The following DNAH5 variants were observed in gnomAD, a reference collection of about 807,000 sequenced individuals.
The protein encoded by DNAH5 is dynein axonemal heavy chain 5, also known as axonemal beta dynein heavy chain 5.
In DNAH5, 372 loss-of-function variants were observed where a neutral mutation model predicts 518.2. The observed-to-expected ratio is 0.72, with a 90% CI of 0.66 to 0.78. The LOEUF is 0.78. DNAH5 is among the 30% of genes least tolerant of loss of function. DNAH5 has a pLI of 0.00. For synonymous variants in DNAH5, 2,039 were observed against 2,025.9 expected, an observed-to-expected ratio of 1.01 and a Z score of -0.17; for missense variants, 5,523 against 5,687.0, an observed-to-expected ratio of 0.97 and a Z score of 0.93.
intron 1 of DNAH5, among the ~76,000 whole-genome samples, chr5:13,936,489 T>TA (rs1281518318): frequency 6.6e-6 from 1 of 152,034 alleles, no homozygotes; most frequent in Non-Finnish European, 1.5e-5. Context: ...AAACTGTGTA[T>TA]AAACTACATA....
rs779963906 is a variant in DNAH5, at chr5:13,751,187, G to T, written c.11102C>A (p.Pro3701Gln). ...GGCACTTATCTCAGGGGTGTAGGCT[G>T]GGTTAGGCAATTTGGTGGTAATGTA... Reference protein sequence around the residue: ...RLYITTKLPNPAYTPEISART... With the variant: ...RLYITTKLPNQAYTPEISART... The change falls in exon 65 of 79, where the codon CCA (proline) becomes CAA (glutamine). Residue 3701 changes from proline to glutamine, a missense_variant. This residue lies in a region of DNAH5 where 5,121 missense variants were observed against 5,223.3 expected (regional missense o/e 0.98). Coordinates refer to ENST00000265104, the MANE Select transcript of DNAH5 (RefSeq NM_001369.3). The T allele has an allele frequency of 1.9e-6, 3 of 1,613,870 alleles. No homozygotes were observed. Among genetic ancestry groups the T allele is most frequent in the Non-Finnish European group, 2.5e-6 (3 of 1,179,906 alleles).
At chr5:13,699,070 G>A (rs2126391262) in intron 78 of DNAH5, among the ~76,000 whole-genome samples, 2 of 152,254 alleles carry the variant, frequency 1.3e-5, no homozygotes, top group East Asian at 3.9e-4. Context: ...CCCAGCACTA[G>A]GGCAGTGTTT....
At chr5:13,986,687 C>T (rs1407388340) in intron 1 of DNAH5, among the ~76,000 whole-genome samples, 2 of 152,204 alleles carry the variant, frequency 1.3e-5, no homozygotes, top group Non-Finnish European at 2.9e-5. Flanking sequence ...ACTACCCACG[C>T]TGTAATTCCC....
At chr5:13,719,991 A>G (rs1437371287) in intron 71 of DNAH5, among the ~76,000 whole-genome samples, 1 of 152,172 alleles carries the variant, frequency 6.6e-6, no homozygotes, top group East Asian at 1.9e-4. Flanking sequence ...TCTAATCTAT[A>G]AAATATTTTT....
chr5:13,786,294 G>T lies in DNAH5; in HGVS notation c.8705C>A (p.Ser2902Tyr). ...ETPKIYEPIESFSHLKERLNM... is the reference protein window; with the variant it reads ...ETPKIYEPIEYFSHLKERLNM... ...CAGACGCTCTTTTAGGTGACTAAAA[G>T]ATTCAATTGGCTCATAAATTTTAGG... is the stretch of plus-strand genomic sequence containing the variant. Residue 2902 changes from serine (S) to tyrosine (Y), a missense_variant, in exon 52 of 79, where the codon TCT becomes TAT. Physicochemically the swap from Ser to Tyr is moderately radical, Grantham distance 144. Around this residue, in one of 3 missense-constraint regions of DNAH5, gnomAD observed 5,121 missense variants for 5,223.3 expected, o/e 0.98. Transcript: ENST00000265104. The T allele has an allele frequency of 1.9e-6, 3 of 1,614,102 alleles. No individual in the cohort carries two copies. Among genetic ancestry groups the T allele is most frequent in the South Asian group, 1.1e-5 (1 of 91,084 alleles).
chr5:13,736,628 T>C (rs543390120), intron 66 of DNAH5, among the ~76,000 whole-genome samples: 3 of 152,260 alleles, frequency 2.0e-5, no homozygotes, highest in South Asian at 4.1e-4. Context: ...GGTCTCATCA[T>C]GTTGACCAGG....
chr5:13,770,312 A>C (rs1194436964), intron 56 of DNAH5, among the ~76,000 whole-genome samples: 3 of 152,200 alleles, frequency 2.0e-5, no homozygotes, highest in African/African-American at 7.2e-5. Context: ...TCAGTCACTC[A>C]GAAGGGATGG....
At chr5:13,987,340 T>C (rs1783121735) in intron 1 of DNAH5, among the ~76,000 whole-genome samples, 1 of 151,946 alleles carries the variant, frequency 6.6e-6, no homozygotes, top group South Asian at 2.1e-4. Context: ...GATGAAAAAG[T>C]CTTGGCTAGT....
chr5:13,705,150 C>A (rs1742613962), intron 76 of DNAH5, among the ~76,000 whole-genome samples: 1 of 152,106 alleles, frequency 6.6e-6, no homozygotes, highest in South Asian at 2.1e-4. Flanking sequence ...TGCTGCCACA[C>A]CCAGCTAATT....
intron 75 of DNAH5, among the ~76,000 whole-genome samples, chr5:13,713,339 A>C (rs1201627301): frequency 6.9e-6 from 1 of 145,778 alleles, no homozygotes; most frequent in African/African-American, 2.5e-5. Flanking sequence ...CGACATATAT[A>C]TATACCGACA....
chr5:13,947,430 T>C (rs768919090), upstream of DNAH5, among the ~76,000 whole-genome samples: 2 of 152,204 alleles, frequency 1.3e-5, no homozygotes, highest in Non-Finnish European at 1.5e-5. Flanking sequence ...AATTAGACGT[T>C]AGAAATAAAA....
intron 51 of DNAH5, among the ~76,000 whole-genome samples, chr5:13,788,362 A>G (rs1756402087): frequency 6.6e-6 from 1 of 152,174 alleles, no homozygotes; most frequent in East Asian, 1.9e-4. Context: ...TTTATGAATG[A>G]GGTTCAAGAG....
chr5:13,699,743 T>A (rs1741836057), intron 78 of DNAH5, among the ~76,000 whole-genome samples: 1 of 152,152 alleles, frequency 6.6e-6, no homozygotes, highest in South Asian at 2.1e-4. Context: ...TACTTGTAGT[T>A]CATAAATTAT....
chr5:13,809,488 G>A (rs142734336), intron 45 of DNAH5, among the ~76,000 whole-genome samples: 2 of 152,194 alleles, frequency 1.3e-5, no homozygotes, highest in African/African-American at 4.8e-5. Flanking sequence ...TGAGAGTAGT[G>A]TGTATCTAAA....
chr5:13,818,250 A>G (rs1761717706), intron 41 of DNAH5, among the ~76,000 whole-genome samples: 1 of 152,270 alleles, frequency 6.6e-6, no homozygotes, highest in African/African-American at 2.4e-5. Context: ...GATTCTGTGC[A>G]TAAGGGACTG....
At chr5:13,872,403 T>G (rs574090097) in intron 22 of DNAH5, among the ~76,000 whole-genome samples, 4 of 152,302 alleles carry the variant, frequency 2.6e-5, no homozygotes, top group South Asian at 2.1e-4. Flanking sequence ...AGGAACATAG[T>G]GCATGTTTCC....
intron 70 of DNAH5, among the ~76,000 whole-genome samples, chr5:13,721,673 T>C (rs1484755034): frequency 1.3e-5 from 2 of 152,246 alleles, no homozygotes; most frequent in African/African-American, 4.8e-5. Context: ...GAGTGACTAT[T>C]TTTATGAAAT....
intron 1 of DNAH5, among the ~76,000 whole-genome samples, chr5:14,005,694 T>C (rs1221465969): frequency 2.0e-5 from 3 of 152,264 alleles, no homozygotes; most frequent in African/African-American, 7.2e-5. Context: ...TTATTTTTCT[T>C]CCTTATATTC....
intron 61 of DNAH5, 129 bp downstream of exon 61, chr5:13,758,717 C>A (rs950603668): frequency 2.2e-6 from 3 of 1,341,866 alleles, no homozygotes; most frequent in Non-Finnish European, 2.1e-6. Flanking sequence ...CATCAAAGAC[C>A]CTTGGTGTCC....
Sources: gnomAD v4.1 joint callset for allele counts (sites outside exome capture counted in the v4.1 genomes callset) on GRCh38, gnomAD v4.1.1 for gene constraint, gnomAD v4.1.1 regional missense constraint, MANE v1.5 for transcripts, NCBI Gene and HGNC (gene_info 2026-07-23, HGNC 2026-07-21) for gene names.